The following MEGF6 variants were observed in gnomAD, a reference collection of about 807,000 sequenced individuals.
MEGF6 encodes the protein multiple EGF like domains 6.
MEGF6 carries 184 observed loss-of-function variants against 207.1 expected under a neutral mutation model. The ratio of observed to expected loss-of-function variants is 0.89; its 90% CI spans 0.79 to 1.00. MEGF6 has a LOEUF of 1.00. Among genes scored for constraint, MEGF6 ranks in the 50% least tolerant of loss-of-function variants. The pLI, the probability that MEGF6 is intolerant of heterozygous loss-of-function variation, is 0.00. For synonymous variants in MEGF6, 1,038 were observed against 910.0 expected (o/e 1.14, Z -2.53); for missense variants, 2,282 against 2,202.9 (o/e 1.04, Z -0.72).
At chr1:3,497,861 G>T (rs1342356212) in intron 26 of MEGF6, among the ~76,000 whole-genome samples, 1 of 152,200 alleles carries the variant, frequency 6.6e-6, no homozygotes, top group Non-Finnish European at 1.5e-5. Context: ...TCTGCTGGAA[G>T]GGGGGCTCGT....
chr1:3,571,439 TC>T (rs1395544203), intron 4 of MEGF6, among the ~76,000 whole-genome samples: 1 of 150,986 alleles, frequency 6.6e-6, no homozygotes, highest in Non-Finnish European at 1.5e-5. Flanking sequence ...AGTAAGGACA[TC>T]CCCCCCAGAC....
intron 5 of MEGF6, among the ~76,000 whole-genome samples, chr1:3,523,836 T>C (rs1465175125): frequency 6.6e-6 from 1 of 152,200 alleles, no homozygotes; most frequent in Admixed American, 6.5e-5. Flanking sequence ...CCCTGTCCAC[T>C]GGGAGGGGCC....
At chr1:3,596,640 G>A (rs1264829654) in intron 2 of MEGF6, among the ~76,000 whole-genome samples, 1 of 67,424 alleles carries the variant, frequency 1.5e-5, no homozygotes, top group African/African-American at 6.5e-5. Flanking sequence ...CCCAGCCCCC[G>A]TCTCCACCCC....
chr1:3,571,047 C>T (rs1279545361), intron 4 of MEGF6, among the ~76,000 whole-genome samples: 1 of 152,184 alleles, frequency 6.6e-6, no homozygotes, highest in African/African-American at 2.4e-5. Flanking sequence ...TCGGGGGCCT[C>T]CAGGGACCCC....
intron 4 of MEGF6, among the ~76,000 whole-genome samples, chr1:3,539,554 C>T (rs896360165): frequency 2.6e-5 from 4 of 152,258 alleles, no homozygotes; most frequent in Non-Finnish European, 4.4e-5. Context: ...CCTGCCCTCC[C>T]GAGGCATCCG....
At chr1:3,520,820 G>C (rs1321225759) in intron 5 of MEGF6, among the ~76,000 whole-genome samples, 6 of 152,180 alleles carry the variant, frequency 3.9e-5, no homozygotes, top group Non-Finnish European at 8.8e-5. Context: ...GCCTCTCTCT[G>C]CCTCAGAGAC....
chr1:3,557,710 AC>A (rs1643076774), intron 4 of MEGF6, among the ~76,000 whole-genome samples: 1 of 152,206 alleles, frequency 6.6e-6, no homozygotes, highest in African/African-American at 2.4e-5. Context: ...GCAAGGAGAG[AC>A]GGGGGGCCCA....
chr1:3,495,139 G>C (rs1219048815), intron 30 of MEGF6, among the ~76,000 whole-genome samples: 2 of 152,228 alleles, frequency 1.3e-5, no homozygotes, highest in African/African-American at 4.8e-5. Context: ...CGTGGGCTCA[G>C]AGGTGGCTGG....
intron 3 of MEGF6, among the ~76,000 whole-genome samples, chr1:3,582,388 C>T (rs556854940): frequency 1.3e-5 from 2 of 152,292 alleles, no homozygotes; most frequent in East Asian, 1.9e-4. Context: ...ACCTGCATCC[C>T]GTCCAAAGCC....
intron 29 of MEGF6, among the ~76,000 whole-genome samples, 186 bp downstream of exon 29, chr1:3,496,469 T>TA (rs1308390679): frequency 1.7e-4 from 26 of 152,330 alleles, no homozygotes; most frequent in Admixed American, 3.9e-4. Context: ...TGGGGCCACA[T>TA]AGACACCCCC....
At chr1:3,563,200 C>A (rs1377506500) in intron 4 of MEGF6, among the ~76,000 whole-genome samples, 1 of 152,214 alleles carries the variant, frequency 6.6e-6, no homozygotes, top group Non-Finnish European at 1.5e-5. Context: ...GGTAGCCTGT[C>A]CCACCTGCCC....
chr1:3,495,873 CT>C lies in MEGF6; in HGVS notation c.3871+16del, dbSNP rs141103841. The C allele has an allele frequency of 9.6e-4, 1,541 of 1,597,388 alleles. 14 individuals carry two copies. In the African/African-American group the frequency reaches 0.018, roughly 19 times the overall value. On this transcript the variant is annotated intron_variant, in intron 30 of 36. Coordinates refer to ENST00000356575, the MANE Select transcript of MEGF6 (RefSeq NM_001409.4). The stretch of plus-strand genomic sequence containing the variant: ...TGTGAAGGGCCTGTGAGCATGCCCT[CT>C]GGAGTGAACACTCACCTCGCTCACA...
rs181904013 is a variant in MEGF6 at position 3,511,992 on chromosome 1, G to A, written c.976+14C>T. On this transcript the variant is annotated intron_variant, in intron 8 of 36. Coordinates refer to ENST00000356575, the MANE Select transcript of MEGF6 (RefSeq NM_001409.4). Reference sequence around the variant, plus strand: ...TCCCGGGCACCTTCAGCCTGTTGCCGGCTGCCCACTCACGGTAGCACTGCC... The same window carrying A: ...TCCCGGGCACCTTCAGCCTGTTGCCAGCTGCCCACTCACGGTAGCACTGCC... 1.4e-3 allele frequency: 2,249 copies of A among 1,611,750 alleles called. 25 individuals are homozygous for A. The African/African-American group carries it at 0.026, about 19-fold the overall frequency.
rs947928654 is a variant in MEGF6 at position 3,511,599 on chromosome 1, G to A, written c.1065C>T (p.Cys355=). 1 of 1,612,432 alleles carries A rather than the reference G, an allele frequency of 6.2e-7. No individual in the cohort carries two copies. The highest frequency in any genetic ancestry group is 8.5e-7 in the Non-Finnish European group (1 of 1,179,566). The change falls in exon 9 of 37, where the codon TGC becomes TGT. Residue 355 remains cysteine, a synonymous_variant. Transcript: ENST00000356575. ...GCSHTSAGPL[C]TCPRGYELDT... ...CCAGCTCGTAGCCGCGGGGACATGTGCACAGGGGCCCAGCACTGGTGTGGC... is the reference window on the plus strand; with the variant it reads ...CCAGCTCGTAGCCGCGGGGACATGTACACAGGGGCCCAGCACTGGTGTGGC...
intron 1 of MEGF6, among the ~76,000 whole-genome samples, chr1:3,607,089 G>T (rs1283221255): frequency 2.0e-5 from 3 of 151,980 alleles, no homozygotes; most frequent in Non-Finnish European, 2.9e-5. Flanking sequence ...CACGGCCGGG[G>T]TTAGGGGTAC....
chr1:3,540,314 C>T (rs1375236398), intron 4 of MEGF6, among the ~76,000 whole-genome samples: 1 of 152,262 alleles, frequency 6.6e-6, no homozygotes, highest in Non-Finnish European at 1.5e-5. Flanking sequence ...GTCGGAAATG[C>T]TGCCATCCTG....
At chr1:3,550,180 C>T (rs139098957) in intron 4 of MEGF6, among the ~76,000 whole-genome samples, 1 of 152,326 alleles carries the variant, frequency 6.6e-6, no homozygotes, top group East Asian at 1.9e-4. Context: ...CCCCTAAGCA[C>T]CTGCCCAAGA....
chr1:3,595,088 GT>G (rs1462603915), intron 3 of MEGF6, among the ~76,000 whole-genome samples: 1 of 151,852 alleles, frequency 6.6e-6, no homozygotes, highest in Non-Finnish European at 1.5e-5. Context: ...GCAGGCTCCT[GT>G]CCTCCGGCAG....
At chr1:3,520,439 A>G (rs999929684) in intron 5 of MEGF6, among the ~76,000 whole-genome samples, 5 of 152,194 alleles carry the variant, frequency 3.3e-5, no homozygotes, top group African/African-American at 1.2e-4. Flanking sequence ...ACTGCTCCCT[A>G]CATCACCGGG....
Sources: allele counts gnomAD v4.1 joint callset (sites outside exome capture counted in the v4.1 genomes callset), GRCh38; gene constraint gnomAD v4.1.1; transcripts MANE v1.5; gene names NCBI Gene and HGNC (gene_info 2026-07-23, HGNC 2026-07-21).